Variants in UCKL1 observed in about 807,000 individuals in gnomAD.
The protein encoded by UCKL1 is uridine-cytidine kinase-like 1.
Under a neutral mutation model 59.2 loss-of-function variants are expected in UCKL1, and 65 were observed. The observed-to-expected ratio is 1.10, with a 90% CI of 0.90 to 1.35. The LOEUF (loss-of-function observed/expected upper bound fraction) is 1.35, where lower values mean the gene tolerates loss of function less well. UCKL1 is among the 40% of genes most tolerant of loss of function. The probability of loss-of-function intolerance (pLI) is 0.00; values close to 1 mark genes in which losing one functional copy is unlikely to be tolerated. For synonymous variants in UCKL1, 410 were observed against 323.1 expected (o/e 1.27, Z -2.88); for missense variants, 703 against 784.3 (o/e 0.90, Z 1.24).
At chr20:63,940,524 T>A in intron 12 of UCKL1, 39 bp from the exon 13 acceptor site, 2 of 1,604,052 alleles carry the variant, frequency 1.2e-6, no homozygotes, top group Non-Finnish European at 1.7e-6. Flanking sequence ...TGGGGCTCCC[T>A]GCGTCCCCTT....
At chr20:63,947,499 C>G (rs1273252348) in intron 1 of UCKL1, among the ~76,000 whole-genome samples, 1 of 152,194 alleles carries the variant, frequency 6.6e-6, no homozygotes, top group Non-Finnish European at 1.5e-5. Flanking sequence ...CCAGACAGGA[C>G]CAGGCTGAAG....
intron 3 of UCKL1, 24 bp from the exon 4 acceptor site, chr20:63,945,999 G>A (rs1338674267): frequency 6.2e-7 from 1 of 1,613,466 alleles, no homozygotes; most frequent in South Asian, 1.1e-5. Flanking sequence ...CTGTGGAGCA[G>A]CTGTGGGCAC....
Position 63,956,408 on chromosome 20 carries a change from G to A in UCKL1, c.-36C>T, listed in dbSNP as rs749790756. The A allele has an allele frequency of 7.4e-6, 10 of 1,356,994 alleles. No homozygotes were observed. Among genetic ancestry groups the A allele is most frequent in the South Asian group, 3.4e-5 (2 of 58,120 alleles). The allele number at this position is 1,356,994 out of a possible 1,614,324, so 84.1% of individuals were successfully genotyped here. On this transcript the variant is annotated 5_prime_UTR_variant, in exon 1 of 15. Coordinates refer to ENST00000354216, the MANE Select transcript of UCKL1 (RefSeq NM_017859.4). Reference sequence around the variant, plus strand: ...GGCCTCTTTGCGGGCCTGGCCGGGCGGCGCGCATGGGCCGCCGGGAGCTGG... The same window carrying A: ...GGCCTCTTTGCGGGCCTGGCCGGGCAGCGCGCATGGGCCGCCGGGAGCTGG...
chr20:63,943,791 T>C, intron 7 of UCKL1, 122 bp from the exon 8 acceptor site: 3 of 1,420,306 alleles, frequency 2.1e-6, no homozygotes, highest in Middle Eastern at 2.1e-4. Flanking sequence ...CAGCCAGCCA[T>C]GGGGGGTGGC....
chr20:63,944,101 C>G (rs1287752173), intron 7 of UCKL1, among the ~76,000 whole-genome samples: 1 of 152,230 alleles, frequency 6.6e-6, no homozygotes, highest in Non-Finnish European at 1.5e-5. Flanking sequence ...TCATGCCTGT[C>G]TTCCCAAAAG....
intron 1 of UCKL1, chr20:63,954,822 G>T (rs1228608657): frequency 6.6e-6 from 1 of 152,208 alleles, no homozygotes. Flanking sequence ...GAGGGCCACC[G>T]TGCCCAGCCC....
At chr20:63,951,106 C>A in intron 1 of UCKL1, 1 of 1,165,814 alleles carries the variant, frequency 8.6e-7, no homozygotes, top group South Asian at 3.7e-5. Flanking sequence ...GCTAGGAGGC[C>A]CTTGAAGCCT....
At chr20:63,946,758 C>T (rs1186820502) in intron 1 of UCKL1, 115 bp from the exon 2 acceptor site, 23 of 1,122,434 alleles carry the variant, frequency 2.0e-5, no homozygotes, top group Admixed American at 9.9e-5. Flanking sequence ...ATGGCTGAGG[C>T]GGGCAGGCTC....
In UCKL1 at chr20:63,946,440, C is replaced by A. The variant is rs3818841; in HGVS notation, c.304+13G>T. ...GCGTCCGGCAGCAGGTCCCACCCCCCCGCTGCTCTCACCGATGGCGAAGGC... is the reference window on the plus strand; with the variant it reads ...GCGTCCGGCAGCAGGTCCCACCCCCACGCTGCTCTCACCGATGGCGAAGGC... On this transcript the variant is annotated intron_variant, in intron 2 of 14. Coordinates refer to ENST00000354216, the MANE Select transcript of UCKL1 (RefSeq NM_017859.4). 38,092 of 1,539,228 alleles carry A rather than the reference C, an allele frequency of 0.025. 617 individuals carry two copies. The highest frequency in any genetic ancestry group is 0.058 in the Middle Eastern group (333 of 5,766).
chr20:63,956,223 C>T (rs1485243564), intron 1 of UCKL1, 37 bp downstream of exon 1: 5 of 1,478,170 alleles, frequency 3.4e-6, no homozygotes, highest in Non-Finnish European at 4.5e-6. Flanking sequence ...AGCCCCTTCC[C>T]GCTCGCCAGT....
chr20:63,944,671 GGCGCA>G lies in UCKL1; in HGVS notation c.713_717del (p.Leu238ProfsTer5). On this transcript the variant is annotated frameshift_variant, in exon 6 of 15. Coordinates refer to ENST00000354216, the MANE Select transcript of UCKL1 (RefSeq NM_017859.4). LOFTEE classifies it high-confidence loss of function. ...TCCCGGCCGCGCTCACTGATGTCCC[GGCGCA>G]GCCGCCGTACCAGGCGGATGTCGGA... is the stretch of plus-strand genomic sequence containing the variant. 1 of 1,612,718 alleles carries G rather than the reference GGCGCA, an allele frequency of 6.2e-7. No homozygotes were observed. The highest frequency in any genetic ancestry group is 8.5e-7 in the Non-Finnish European group (1 of 1,179,952).
chr20:63,950,862 A>G, intron 1 of UCKL1: 1 of 1,480,242 alleles, frequency 6.8e-7, no homozygotes, highest in South Asian at 1.4e-5. Flanking sequence ...TGAACAGCAG[A>G]GTGGCCCCAG....
chr20:63,949,991 C>T (rs1268753517), intron 1 of UCKL1, among the ~76,000 whole-genome samples: 4 of 152,262 alleles, frequency 2.6e-5, no homozygotes, highest in African/African-American at 9.6e-5. Context: ...CTTCCAACCC[C>T]GCATTTGTGA....
At chr20:63,942,711 C>G (rs1180575268) in intron 8 of UCKL1, 1 of 494,412 alleles carries the variant, frequency 2.0e-6, no homozygotes. Context: ...AGTGCAGCCA[C>G]AGGCCAACAC....
In UCKL1 at chr20:63,940,073, G is replaced by C; in HGVS notation, c.1568-18C>G. 1 of 1,609,442 alleles carries C rather than the reference G, an allele frequency of 6.2e-7. No homozygotes were observed. Among genetic ancestry groups the C allele is most frequent in the Non-Finnish European group, 8.5e-7 (1 of 1,178,638 alleles). ...AAAGTTCCCTGGAAAAAGGGGGGGG[G>C]GGGTCCAGTGTGGTGGGGCCTCCCA... On this transcript the variant is annotated intron_variant, in intron 14 of 14. Transcript: ENST00000354216.
At chr20:63,948,064 G>A (rs1393945328) in intron 1 of UCKL1, among the ~76,000 whole-genome samples, 1 of 152,238 alleles carries the variant, frequency 6.6e-6, no homozygotes, top group Non-Finnish European at 1.5e-5. Flanking sequence ...AGCCTGGTGT[G>A]AAGATGCCAT....
At chr20:63,951,465 C>T (rs2057580895) in intron 1 of UCKL1, among the ~76,000 whole-genome samples, 1 of 152,164 alleles carries the variant, frequency 6.6e-6, no homozygotes, top group African/African-American at 2.4e-5. Context: ...GCCTCTTGGC[C>T]AGGTGTCCTG....
intron 1 of UCKL1, chr20:63,951,088 G>A: frequency 2.5e-6 from 3 of 1,187,126 alleles, no homozygotes; most frequent in Non-Finnish European, 3.1e-6. Context: ...GTCAGCAGAG[G>A]CACAGCAGCT....
rs770310833 is a variant in UCKL1 at position 63,941,177 on chromosome 20, G to A, written c.955C>T (p.Pro319Ser). 2 of 1,565,354 alleles carry A rather than the reference G, an allele frequency of 1.3e-6. No homozygotes were observed. The highest frequency in any genetic ancestry group is 1.2e-5 in the South Asian group (1 of 86,702). Residue 319 changes from proline to serine, a missense_variant, in exon 9 of 15, where the codon CCG becomes TCG. Transcript: ENST00000354216. ...AGGACGCTCAGCGTCCGGGGCAGCGGGTGGCACTGGTGTGCCGAGGCCAGC... is the reference window on the plus strand; with the variant it reads ...AGGACGCTCAGCGTCCGGGGCAGCGAGTGGCACTGGTGTGCCGAGGCCAGC... The part of the protein sequence containing the change: ...AALASAHQCH[P>S]LPRTLSVLKS...
Sources: allele counts gnomAD v4.1 joint callset (sites outside exome capture counted in the v4.1 genomes callset), GRCh38; gene constraint gnomAD v4.1.1; transcripts MANE v1.5; gene names NCBI Gene and HGNC (gene_info 2026-07-23, HGNC 2026-07-21).